AUTS2: variants seen among roughly 807,000 people sequenced by gnomAD.
AUTS2 encodes the protein activator of transcription and developmental regulator AUTS2, also known as autism susceptibility gene 2 protein.
AUTS2 carries 17 observed loss-of-function variants against 112.4 expected under a neutral mutation model. The ratio of observed to expected loss-of-function variants is 0.15; its 90% CI spans 0.10 to 0.23. The LOEUF (loss-of-function observed/expected upper bound fraction) is 0.23. AUTS2 is among the 10% of genes least tolerant of loss of function. AUTS2 has a pLI of 1.00. For missense variants in AUTS2, 1,510 were observed against 1,701.6 expected (o/e 0.89, Z 1.98); for synonymous variants, 751 against 702.7 (o/e 1.07, Z -1.09).
intron 5 of AUTS2, among the ~76,000 whole-genome samples, chr7:70,689,047 C>T (rs1197681014): frequency 6.6e-6 from 1 of 152,034 alleles, no homozygotes; most frequent in Non-Finnish European, 1.5e-5. Flanking sequence ...TCAGGGTCGA[C>T]TTTATAATCT....
intron 1 of AUTS2, among the ~76,000 whole-genome samples, chr7:69,670,490 AGT>A (rs1244972231): frequency 7.2e-6 from 1 of 138,346 alleles, no homozygotes; most frequent in Non-Finnish European, 1.5e-5. Context: ...GGGGATTGAG[AGT>A]GTGTCTGTTC....
intron 5 of AUTS2, among the ~76,000 whole-genome samples, chr7:70,489,990 A>T (rs780240643): frequency 3.3e-5 from 5 of 152,204 alleles, no homozygotes; most frequent in Admixed American, 2.0e-4. Context: ...AACACATCAA[A>T]ATCTGTGGCA....
At chr7:70,585,596 C>G (rs963125168) in intron 5 of AUTS2, among the ~76,000 whole-genome samples, 1 of 152,168 alleles carries the variant, frequency 6.6e-6, no homozygotes, top group East Asian at 1.9e-4. Flanking sequence ...CCAAGGTGAC[C>G]ATAGGTCCTG....
At chr7:69,761,648 C>T (rs1040908059) in intron 1 of AUTS2, among the ~76,000 whole-genome samples, 9 of 151,988 alleles carry the variant, frequency 5.9e-5, no homozygotes, top group African/African-American at 1.7e-4. Flanking sequence ...TAAGGAATGC[C>T]GGGCTCCTCT....
Position 70,516,014 on chromosome 7 carries a change from G to C in AUTS2, c.690+80233G>C, listed in dbSNP as rs544845931. On this transcript the variant is annotated intron_variant, in intron 5 of 18. Transcript: ENST00000342771. ...GATCGTTCACCTTCATTTCTGCCCT[G>C]CTCTAAGGGTAGGTCTCACTTTACT... is the stretch of plus-strand genomic sequence containing the variant. Among the ~76,000 whole-genome samples the C allele has an allele frequency of 5.0e-4, 76 of 152,272 alleles. 1 individual carries two copies. Among genetic ancestry groups the C allele is most frequent in the African/African-American group, 1.7e-3 (69 of 41,556 alleles).
chr7:69,926,445 GTCTATCTATCTATCTATCTATCTATCTA>G, intron 2 of AUTS2, among the ~76,000 whole-genome samples: 1 of 123,200 alleles, frequency 8.1e-6, no homozygotes, highest in South Asian at 2.7e-4. Context: ...CTGTCTGTCT[GTCTATCTATCTATCTATCTATCTATCTA>G]TCTATCTATC....
chr7:69,700,338 TTAAAA>T (rs1275221406), intron 1 of AUTS2, among the ~76,000 whole-genome samples: 2 of 152,220 alleles, frequency 1.3e-5, no homozygotes, highest in Non-Finnish European at 2.9e-5. Flanking sequence ...TTTTTAATTT[TTAAAA>T]TAAGCTATTT....
intron 4 of AUTS2, among the ~76,000 whole-genome samples, chr7:70,236,431 G>A (rs1430655712): frequency 1.3e-5 from 2 of 152,098 alleles, no homozygotes; most frequent in Non-Finnish European, 2.9e-5. Flanking sequence ...GAACATTTTG[G>A]GGGGAACTAA....
chr7:70,738,720 A>G (rs1585602022), intron 6 of AUTS2, among the ~76,000 whole-genome samples: 1 of 152,252 alleles, frequency 6.6e-6, no homozygotes, highest in African/African-American at 2.4e-5. Flanking sequence ...GGACCACGTG[A>G]GTGTTACATG....
chr7:69,685,913 T>G (rs1797045764), intron 1 of AUTS2, among the ~76,000 whole-genome samples: 1 of 151,950 alleles, frequency 6.6e-6, no homozygotes, highest in Admixed American at 6.6e-5. Flanking sequence ...GATAAAACAA[T>G]AATCTTTAGA....
intron 6 of AUTS2, among the ~76,000 whole-genome samples, chr7:70,720,856 G>T (rs1359251987): frequency 6.6e-6 from 1 of 151,996 alleles, no homozygotes; most frequent in African/African-American, 2.4e-5. Flanking sequence ...GGGTAGAAAG[G>T]GTATCCCATA....
intron 4 of AUTS2, among the ~76,000 whole-genome samples, chr7:70,240,472 A>C (rs1271105739): frequency 3.9e-5 from 6 of 152,216 alleles, no homozygotes; most frequent in African/African-American, 1.4e-4. Flanking sequence ...GGGCAGAAGG[A>C]ATGAATTAAA....
At chr7:70,593,115 T>C (rs753320110) in intron 5 of AUTS2, among the ~76,000 whole-genome samples, 1 of 151,992 alleles carries the variant, frequency 6.6e-6, no homozygotes, top group Non-Finnish European at 1.5e-5. Context: ...CCTCCTAAAG[T>C]GCTGGGATTA....
At chr7:70,672,626 C>T (rs774087062) in intron 5 of AUTS2, among the ~76,000 whole-genome samples, 4 of 151,590 alleles carry the variant, frequency 2.6e-5, no homozygotes, top group Non-Finnish European at 4.4e-5. Flanking sequence ...TTTTTTGAGA[C>T]GGAATCTCAC....
intron 1 of AUTS2, among the ~76,000 whole-genome samples, chr7:69,635,431 G>C (rs928758850): frequency 2.0e-5 from 3 of 152,196 alleles, no homozygotes; most frequent in African/African-American, 7.2e-5. Flanking sequence ...GTTATACCTA[G>C]ACTGGTGATA....
chr7:70,287,676 AT>A (rs1788524263), intron 4 of AUTS2, among the ~76,000 whole-genome samples: 1 of 152,084 alleles, frequency 6.6e-6, no homozygotes, highest in Non-Finnish European at 1.5e-5. Context: ...CTTTAATGTT[AT>A]TTTCAGTTGT....
chr7:70,513,245 T>TG (rs1180714761), intron 5 of AUTS2, among the ~76,000 whole-genome samples: 1 of 152,194 alleles, frequency 6.6e-6, no homozygotes, highest in Non-Finnish European at 1.5e-5. Flanking sequence ...CTGAAACAAT[T>TG]AATCAAGATT....
chr7:69,804,934 T>C (rs1442226424), intron 1 of AUTS2, among the ~76,000 whole-genome samples: 2 of 152,258 alleles, frequency 1.3e-5, no homozygotes, highest in African/African-American at 4.8e-5. Context: ...CCTGTGATTA[T>C]ACCCAACTTT....
At chr7:70,002,637 A>G (rs537351288) in intron 2 of AUTS2, among the ~76,000 whole-genome samples, 1 of 152,262 alleles carries the variant, frequency 6.6e-6, no homozygotes, top group African/African-American at 2.4e-5. Flanking sequence ...TAGAGATGAG[A>G]CTTACGATTT....
Sources: allele counts gnomAD v4.1 joint callset (sites outside exome capture counted in the v4.1 genomes callset), GRCh38; gene constraint gnomAD v4.1.1; transcripts MANE v1.5; gene names NCBI Gene and HGNC (gene_info 2026-07-23, HGNC 2026-07-21).